LYG1: variants seen among roughly 807,000 people sequenced by gnomAD.
LYG1 encodes the protein lysozyme g1, also known as lysozyme g-like protein 1.
Under a neutral mutation model 21.7 loss-of-function variants are expected in LYG1, and 17 were observed. The observed-to-expected ratio is 0.78, with a 90% CI of 0.54 to 1.18. The LOEUF is 1.18. Ranked by LOEUF, LYG1 falls within the 50% of genes most tolerant of loss-of-function variation. The pLI, the probability that LYG1 is intolerant of heterozygous loss-of-function variation, is 0.00. For synonymous variants in LYG1, 81 were observed against 87.4 expected (o/e 0.93, Z 0.41); for missense variants, 211 against 238.1 (o/e 0.89, Z 0.75).
upstream of LYG1, among the ~76,000 whole-genome samples, chr2:99,303,959 C>G (rs912546997): frequency 5.9e-5 from 9 of 152,084 alleles, no homozygotes; most frequent in Non-Finnish European, 1.3e-4. Flanking sequence ...ATCACGAGCT[C>G]AAGAGATAGA....
rs1005556164 is a variant in LYG1, at chr2:99,284,460, T to C, written c.518A>G (p.Asp173Gly). The change falls in exon 7 of 7, where the codon GAC becomes GGC. Residue 173 changes from aspartate to glycine, a missense_variant. By Grantham distance (94) the Asp-to-Gly change is moderately conservative. Transcript: ENST00000308528. Reference protein sequence around the residue: ...GGAGYVRSSQDLSCDFCNDVL... With the variant: ...GGAGYVRSSQGLSCDFCNDVL... ...ATCATTGCAGAAGTCACAGCTCAGG[T>C]CCTGGCTGCTTCGGACATAGCCAGC... The C allele has an allele frequency of 2.5e-6, 4 of 1,614,100 alleles. No homozygotes were observed. Among genetic ancestry groups the C allele is most frequent in the Non-Finnish European group, 3.4e-6 (4 of 1,180,042 alleles).
Position 99,292,616 on chromosome 2 carries a change from C to A in LYG1, c.68G>T (p.Gly23Val), listed in dbSNP as rs927017016. 4.3e-6 allele frequency: 7 copies of A among 1,613,914 alleles called. No homozygotes were observed. The highest frequency in any genetic ancestry group is 5.1e-6 in the Non-Finnish European group (6 of 1,179,900). The change falls in exon 4 of 7, where the codon GGA becomes GTA. Residue 23 changes from glycine to valine, a missense_variant. By Grantham distance (109) the Gly-to-Val change is moderately radical. Transcript: ENST00000308528. Reference sequence around the variant, plus strand: ...CAGGCTTTGGATGTTTCCATAGCATCCCCAGTTGCTGCTTTCAGACAAGTC... The same window carrying A: ...CAGGCTTTGGATGTTTCCATAGCATACCCAGTTGCTGCTTTCAGACAAGTC... ...LMDLSESSNW[G>V]CYGNIQSLDT...
At chr2:99,285,095 CTTA>C (rs2094094785) in intron 5 of LYG1, among the ~76,000 whole-genome samples, 1 of 152,176 alleles carries the variant, frequency 6.6e-6, no homozygotes, top group African/African-American at 2.4e-5. Context: ...GACACGGTGG[CTTA>C]TGCCTGTGAT....
rs370542079 is a variant in LYG1 at position 99,284,683 on chromosome 2, C to G, written c.466+5G>C. On this transcript the variant is annotated splice_donor_5th_base_variant and intron_variant, in intron 6 of 6. Coordinates refer to ENST00000308528, the MANE Select transcript of LYG1 (RefSeq NM_174898.3). The stretch of plus-strand genomic sequence containing the variant: ...GAGACAACTGACTGATAGCGTTACA[C>G]GTACCTCTCAGGTACTGGTCAGGGG... 1 of 1,613,676 alleles carries G rather than the reference C, an allele frequency of 6.2e-7. No individual in the cohort carries two copies. The highest frequency in any genetic ancestry group is 1.7e-5 in the Admixed American group (1 of 59,998).
At chr2:99,291,184 G>A (rs975988676) in intron 5 of LYG1, 53 bp downstream of exon 5, 10 of 1,555,050 alleles carry the variant, frequency 6.4e-6, no homozygotes, top group Non-Finnish European at 8.8e-6. Flanking sequence ...AAAAAACAAA[G>A]CAGTGGTGCC....
At chr2:99,288,730 T>C (rs1374648197) in intron 5 of LYG1, among the ~76,000 whole-genome samples, 1 of 152,072 alleles carries the variant, frequency 6.6e-6, no homozygotes, top group African/African-American at 2.4e-5. Flanking sequence ...CACTACTGCC[T>C]GACTGATTTT....
At position 99,284,831 on chromosome 2, in the gene LYG1, G is replaced by C; in HGVS notation, c.334-11C>G. 6.2e-7 allele frequency: 1 copy of C among 1,612,040 alleles called. No individual in the cohort carries two copies. Among genetic ancestry groups the C allele is most frequent in the African/African-American group, 1.3e-5 (1 of 74,982 alleles). On this transcript the variant is annotated splice_polypyrimidine_tract_variant and intron_variant, in intron 5 of 6. Coordinates refer to ENST00000308528, the MANE Select transcript of LYG1 (RefSeq NM_174898.3). ...TTGAGAGCCAGGGTCCTGCAGGGAA[G>C]GAGGCAGAGAAGAAGCCACGTAAGC...
At chr2:99,292,430 G>A in intron 4 of LYG1, 106 bp downstream of exon 4, 1 of 817,572 alleles carries the variant, frequency 1.2e-6, no homozygotes, top group Non-Finnish European at 2.0e-6. Flanking sequence ...AAGAAGCAGA[G>A]CTTTGGGACC....
chr2:99,291,891 T>A (rs993309142), intron 4 of LYG1, among the ~76,000 whole-genome samples: 1 of 152,186 alleles, frequency 6.6e-6, no homozygotes, highest in Non-Finnish European at 1.5e-5. Flanking sequence ...CAACAAATCA[T>A]GCAAGTTTAA....
chr2:99,302,801 T>C (rs1022943322), upstream of LYG1, among the ~76,000 whole-genome samples: 49 of 152,062 alleles, frequency 3.2e-4, no homozygotes, highest in Non-Finnish European at 5.6e-4. Context: ...GGTGGATCAC[T>C]TGAGGTCAGG....
At chr2:99,303,221 A>C (rs2094159461), upstream of LYG1, among the ~76,000 whole-genome samples, 1 of 151,906 alleles carries the variant, frequency 6.6e-6, no homozygotes. Flanking sequence ...CACCCATTAA[A>C]AACTCTATCC....
chr2:99,299,791 A>G (rs1270859103), intron 1 of LYG1, among the ~76,000 whole-genome samples: 1 of 151,606 alleles, frequency 6.6e-6, no homozygotes, highest in African/African-American at 2.4e-5. Context: ...AAATTTTTAA[A>G]TATTTATTTT....
At chr2:99,295,508 G>T in intron 3 of LYG1, 120 bp downstream of exon 3, 2 of 1,225,304 alleles carry the variant, frequency 1.6e-6, no homozygotes, top group Non-Finnish European at 2.4e-6. Flanking sequence ...AGGATTTGTT[G>T]GACAGTTTAG....
chr2:99,284,313 A>T lies in LYG1; in HGVS notation c.*80T>A. The stretch of plus-strand genomic sequence containing the variant: ...TTAGGTCAAACTCAGATTCCCAGTT[A>T]CAGGTGCCCTTGGCTAGTTTTATCT... On this transcript the variant is annotated 3_prime_UTR_variant, in exon 7 of 7. Coordinates refer to ENST00000308528, the MANE Select transcript of LYG1 (RefSeq NM_174898.3). 2 of 1,212,532 alleles carry T rather than the reference A, an allele frequency of 1.6e-6. No individual in the cohort carries two copies. Among genetic ancestry groups the T allele is most frequent in the Non-Finnish European group, 2.4e-6 (2 of 838,732 alleles). The allele number at this position is 1,212,532 out of a possible 1,614,324, so 75.1% of individuals were successfully genotyped here. A position where few individuals can be genotyped will look rare whatever the true frequency, so the allele number is the denominator to read the frequency against.
intron 1 of LYG1, among the ~76,000 whole-genome samples, chr2:99,300,310 T>C (rs960185930): frequency 5.3e-5 from 8 of 152,096 alleles, no homozygotes; most frequent in Admixed American, 6.5e-5. Flanking sequence ...ATAGAGACAC[T>C]GTGAGCTGGA....
chr2:99,302,486 G>GT (rs1319952359), upstream of LYG1, among the ~76,000 whole-genome samples: 1 of 152,170 alleles, frequency 6.6e-6, no homozygotes, highest in Non-Finnish European at 1.5e-5. Flanking sequence ...CAGGTTAGAC[G>GT]TGTGTTCCTT....
intron 5 of LYG1, among the ~76,000 whole-genome samples, chr2:99,290,760 T>C (rs982611809): frequency 6.6e-6 from 1 of 152,216 alleles, no homozygotes; most frequent in Non-Finnish European, 1.5e-5. Context: ...AAGAATTGTA[T>C]AGAAAAAGGT....
At chr2:99,284,612 G>C in intron 6 of LYG1, 76 bp downstream of exon 6, 2 of 1,593,364 alleles carry the variant, frequency 1.3e-6, no homozygotes, top group Non-Finnish European at 1.7e-6. Flanking sequence ...GAGTTTCGGG[G>C]AATCTGGTGC....
upstream of LYG1, among the ~76,000 whole-genome samples, chr2:99,302,741 G>A (rs746265977): frequency 1.3e-5 from 2 of 152,084 alleles, no homozygotes; most frequent in African/African-American, 2.4e-5. Flanking sequence ...ATTCTCAGCC[G>A]GGCACAGAGC....
Sources: gnomAD v4.1 joint callset for allele counts (sites outside exome capture counted in the v4.1 genomes callset) on GRCh38, gnomAD v4.1.1 for gene constraint, MANE v1.5 for transcripts, NCBI Gene and HGNC (gene_info 2026-07-23, HGNC 2026-07-21) for gene names.